SPSB4: variants seen among roughly 807,000 people sequenced by gnomAD.
SPSB4 encodes the protein splA/ryanodine receptor domain and SOCS box containing 4, also known as SPRY domain-containing SOCS box protein 4.
In SPSB4, 21 loss-of-function variants were observed where a neutral mutation model predicts 20.9. The ratio of observed to expected loss-of-function variants is 1.01; its 90% confidence interval spans 0.71 to 1.45. The LOEUF (loss-of-function observed/expected upper bound fraction) is 1.45. Among genes scored for constraint, SPSB4 ranks in the 40% most tolerant of loss-of-function variants. The pLI is 0.00. For missense variants in SPSB4, 399 were observed against 399.2 expected (o/e 1.00, Z 0.00); for synonymous variants, 207 against 183.8 (o/e 1.13, Z -1.02).
intron 2 of SPSB4, among the ~76,000 whole-genome samples, chr3:141,114,605 G>T (rs940640620): frequency 2.0e-5 from 3 of 152,188 alleles, no homozygotes; most frequent in Non-Finnish European, 4.4e-5. Flanking sequence ...ACACTGGCAG[G>T]GCTCTGCAGA....
intron 2 of SPSB4, among the ~76,000 whole-genome samples, chr3:141,112,644 CAAAAAAAAAAAAAA>C (rs60396514): frequency 3.0e-5 from 1 of 32,886 alleles, no homozygotes; most frequent in African/African-American, 1.2e-4. Flanking sequence ...GACTCCGTCT[CAAAAAAAAAAAAAA>C]AAAAAAAAAA....
At chr3:141,072,572 C>T (rs995014929) in intron 2 of SPSB4, among the ~76,000 whole-genome samples, 3 of 152,142 alleles carry the variant, frequency 2.0e-5, no homozygotes, top group Non-Finnish European at 4.4e-5. Flanking sequence ...CTTTGCCTTT[C>T]GTCATGAGTA....
Position 141,098,554 on chromosome 3 carries a change from A to G in SPSB4, c.694+31756A>G, listed in dbSNP as rs190310432. 2.6e-5 allele frequency among the ~76,000 whole-genome samples: 4 copies of G among 152,270 alleles called. No individual in the cohort carries two copies. The East Asian group carries it at 7.7e-4, about 29-fold the overall frequency. ...ATTGTTTTTATTATGAAAGAAGCCTATCTTTCATTGTATTTCCTAACTTGC... is the reference window on the plus strand; with the variant it reads ...ATTGTTTTTATTATGAAAGAAGCCTGTCTTTCATTGTATTTCCTAACTTGC... On this transcript the variant is annotated intron_variant, in intron 2 of 2. Transcript: ENST00000310546.
rs575213682 is a variant in SPSB4, at chr3:141,091,292, T to A, written c.694+24494T>A. 3.3e-5 allele frequency among the ~76,000 whole-genome samples: 5 copies of A among 152,342 alleles called. No homozygotes were observed. The South Asian group carries it at 8.3e-4, about 25-fold the overall frequency. ...TGCTTAGAAACCAAGGCTCAGTTTC[T>A]GCTTCTGTAAAGTAGGGATAAAAGC... On this transcript the variant is annotated intron_variant, in intron 2 of 2. Transcript: ENST00000310546.
Position 141,147,275 on chromosome 3 carries a change from G to A in SPSB4, c.*6G>A. The A allele has an allele frequency of 6.2e-7, 1 of 1,614,144 alleles. No individual in the cohort carries two copies. Among genetic ancestry groups the A allele is most frequent in the African/African-American group, 1.3e-5 (1 of 75,054 alleles). ...ACTATCTGCAGTACCAGTGAGCCAAGCCTGATGGGCAGCACAGACACAGAC... is the reference window on the plus strand; with the variant it reads ...ACTATCTGCAGTACCAGTGAGCCAAACCTGATGGGCAGCACAGACACAGAC... On this transcript the variant is annotated 3_prime_UTR_variant, in exon 3 of 3. Transcript: ENST00000310546.
intron 2 of SPSB4, among the ~76,000 whole-genome samples, chr3:141,070,151 T>C (rs1170955851): frequency 6.6e-6 from 1 of 152,118 alleles, no homozygotes; most frequent in African/African-American, 2.4e-5. Flanking sequence ...CTGAGAAGTA[T>C]GGAGCCAAGG....
intron 2 of SPSB4, among the ~76,000 whole-genome samples, chr3:141,081,313 C>G (rs558617054): frequency 6.6e-6 from 1 of 152,208 alleles, no homozygotes; most frequent in Non-Finnish European, 1.5e-5. Context: ...CCATTCCGAC[C>G]GCGGCTCAAA....
At chr3:141,064,983 C>A (rs1219497606) in intron 1 of SPSB4, among the ~76,000 whole-genome samples, 4 of 152,106 alleles carry the variant, frequency 2.6e-5, no homozygotes, top group Non-Finnish European at 5.9e-5. Flanking sequence ...CATGGGATGC[C>A]CAGAGAACAG....
intron 1 of SPSB4, among the ~76,000 whole-genome samples, chr3:141,052,212 C>G (rs1936106210): frequency 6.6e-6 from 1 of 152,222 alleles, no homozygotes; most frequent in African/African-American, 2.4e-5. Flanking sequence ...GTTCTAAGCC[C>G]TTTGCTTCTC....
At chr3:141,088,121 C>A (rs1199713816) in intron 2 of SPSB4, among the ~76,000 whole-genome samples, 1 of 152,102 alleles carries the variant, frequency 6.6e-6, no homozygotes, top group African/African-American at 2.4e-5. Context: ...GGTCCTGAAA[C>A]TCCGTCCCCC....
At chr3:141,105,800 A>G (rs1938678461) in intron 2 of SPSB4, among the ~76,000 whole-genome samples, 1 of 152,248 alleles carries the variant, frequency 6.6e-6, no homozygotes, top group Non-Finnish European at 1.5e-5. Context: ...AAAATAGATT[A>G]AAGTTTTAAA....
At chr3:141,137,810 C>CTCT (rs1349839801) in intron 2 of SPSB4, among the ~76,000 whole-genome samples, 2 of 152,104 alleles carry the variant, frequency 1.3e-5, no homozygotes, top group Non-Finnish European at 2.9e-5. Context: ...TTTTGTGTGT[C>CTCT]TCTGACAGGC....
At chr3:141,068,505 G>C (rs115088652) in intron 2 of SPSB4, among the ~76,000 whole-genome samples, 195 of 152,322 alleles carry the variant, frequency 1.3e-3, no homozygotes, top group Non-Finnish European at 2.3e-3. Context: ...GACTAGAAGA[G>C]TGGCCTTGGT....
chr3:141,091,911 C>T (rs1012172929), intron 2 of SPSB4, among the ~76,000 whole-genome samples: 1 of 151,536 alleles, frequency 6.6e-6, no homozygotes, highest in Non-Finnish European at 1.5e-5. Context: ...GGCAGATGAG[C>T]AGGTAGAGCT....
chr3:141,134,880 T>C (rs180875647), intron 2 of SPSB4, among the ~76,000 whole-genome samples: 107 of 148,698 alleles, frequency 7.2e-4, no homozygotes, highest in African/African-American at 2.6e-3. Flanking sequence ...TTGGAATAGT[T>C]TCTTTTTTTT....
At chr3:141,073,898 C>T (rs1348781153) in intron 2 of SPSB4, among the ~76,000 whole-genome samples, 1 of 152,204 alleles carries the variant, frequency 6.6e-6, no homozygotes, top group Non-Finnish European at 1.5e-5. Flanking sequence ...AGGATCCTGA[C>T]ATTCAGAAAC....
chr3:141,106,257 G>C (rs1300493894), intron 2 of SPSB4, among the ~76,000 whole-genome samples: 1 of 152,196 alleles, frequency 6.6e-6, no homozygotes, highest in Non-Finnish European at 1.5e-5. Context: ...TGCTCAGGTG[G>C]GTTTTGAGGT....
At chr3:141,052,433 C>G (rs1005148636) in intron 1 of SPSB4, among the ~76,000 whole-genome samples, 3 of 152,200 alleles carry the variant, frequency 2.0e-5, no homozygotes, top group Admixed American at 1.3e-4. Flanking sequence ...GCTGGGCACA[C>G]AGGAAACACT....
intron 2 of SPSB4, among the ~76,000 whole-genome samples, chr3:141,121,316 C>G (rs187509708): frequency 1.2e-3 from 184 of 152,274 alleles, no homozygotes; most frequent in African/African-American, 3.9e-3. Flanking sequence ...TGTGAGTACC[C>G]TGACCTTTCT....
Sources: allele counts gnomAD v4.1 joint callset (sites outside exome capture counted in the v4.1 genomes callset), GRCh38; gene constraint gnomAD v4.1.1; transcripts MANE v1.5; gene names NCBI Gene and HGNC (gene_info 2026-07-23, HGNC 2026-07-21).